Variants in PAX6 observed in about 807,000 individuals in gnomAD.
PAX6 encodes paired box protein Pax-6.
PAX6 carries 7 observed loss-of-function variants against 60.7 expected under a neutral mutation model. The observed-to-expected ratio is 0.12, with a 90% CI of 0.07 to 0.22. The LOEUF is 0.22. Ranked by LOEUF, PAX6 falls within the 10% of genes least tolerant of loss-of-function variation. The probability of loss-of-function intolerance (pLI) is 1.00; values close to 1 mark genes in which losing one functional copy is unlikely to be tolerated. For synonymous variants in PAX6, 208 were observed against 201.2 expected (o/e 1.03, Z -0.29); for missense variants, 355 against 555.2 (o/e 0.64, Z 3.62).
chr11:31,790,539 G>A (rs1396093942), intron 13 of PAX6, 171 bp downstream of exon 13: 2 of 960,066 alleles, frequency 2.1e-6, no homozygotes, highest in African/African-American at 1.8e-5. Context: ...TCTATATGGT[G>A]TAAAGTTACT....
chr11:31,810,418 T>G (rs1956823167), intron 2 of PAX6: 1 of 155,326 alleles, frequency 6.4e-6, no homozygotes, highest in African/African-American at 2.4e-5. Context: ...GCGGTTGCTC[T>G]CTGCGGCCGT....
At chr11:31,803,057 C>T in intron 4 of PAX6, 1 of 596,798 alleles carries the variant, frequency 1.7e-6, no homozygotes, top group South Asian at 1.9e-5. Context: ...TGCTATCGAT[C>T]AAATAAAGGA....
chr11:31,794,543 A>G, intron 9 of PAX6, 87 bp downstream of exon 9: 1 of 1,339,336 alleles, frequency 7.5e-7, no homozygotes, highest in South Asian at 1.2e-5. Context: ...TTCTATGCAA[A>G]GGGCCCTGGC....
chr11:31,802,692 C>A lies in PAX6; in HGVS notation c.141+12G>T, dbSNP rs1219263324. On this transcript the variant is annotated intron_variant, in intron 5 of 13. Coordinates refer to ENST00000640368, the MANE Select transcript of PAX6 (RefSeq NM_001368894.2). ...GCGGGGGCGGCGAGTGGGGCGGCGCCGGGAGGATCACCTGCAGAATTCGGG... is the reference window on the plus strand; with the variant it reads ...GCGGGGGCGGCGAGTGGGGCGGCGCAGGGAGGATCACCTGCAGAATTCGGG... 6.2e-7 allele frequency: 1 copy of A among 1,608,742 alleles called. No individual in the cohort carries two copies. The highest frequency in any genetic ancestry group is 8.5e-7 in the Non-Finnish European group (1 of 1,177,330).
At chr11:31,805,470 G>T (rs1210526134) in intron 4 of PAX6, 1 of 152,718 alleles carries the variant, frequency 6.5e-6, no homozygotes, top group African/African-American at 2.4e-5. Context: ...AGCCTGTGTG[G>T]TTCGGCCAGG....
At chr11:31,797,983 T>TGAGAGAGAGAGAGAGAGAGA (rs10694272) in intron 8 of PAX6, among the ~76,000 whole-genome samples, 1 of 148,192 alleles carries the variant, frequency 6.7e-6, no homozygotes, top group South Asian at 2.2e-4. Flanking sequence ...TGGAAGGAGG[T>TGAGAGAGAGAGAGAGAGAGA]GAGAGAGAGA....
chr11:31,815,942 G>T (rs1025752384), upstream of PAX6, among the ~76,000 whole-genome samples: 1 of 152,200 alleles, frequency 6.6e-6, no homozygotes, highest in Non-Finnish European at 1.5e-5. Context: ...AATGCGGCCG[G>T]GGAGAATTTA....
intron 5 of PAX6, chr11:31,802,116 A>G: frequency 3.4e-6 from 2 of 581,698 alleles, no homozygotes; most frequent in Non-Finnish European, 6.1e-6. Flanking sequence ...GAAGTAGATA[A>G]ATTTATTTTT....
chr11:31,802,318 G>T (rs1175817580), intron 5 of PAX6: 1 of 313,186 alleles, frequency 3.2e-6, no homozygotes, highest in African/African-American at 2.2e-5. Flanking sequence ...TACCTCAAAA[G>T]CTGAGGTAAG....
intron 12 of PAX6, chr11:31,793,016 A>G: frequency 1.9e-6 from 1 of 534,584 alleles, no homozygotes; most frequent in Non-Finnish European, 3.3e-6. Flanking sequence ...TAATGCCCCA[A>G]ATGCGTGCAC....
At chr11:31,799,967 C>G (rs1267267072) in intron 8 of PAX6, among the ~76,000 whole-genome samples, 1 of 149,540 alleles carries the variant, frequency 6.7e-6, no homozygotes, top group African/African-American at 2.5e-5. Flanking sequence ...CCCCCCCATC[C>G]CCCGCTCTTC....
chr11:31,812,189 C>T (rs971631366), upstream of PAX6: 1 of 147,834 alleles, frequency 6.8e-6, no homozygotes, highest in Non-Finnish European at 1.5e-5. Context: ...AGTGCGGCTG[C>T]TTTTCGCAGC....
At chr11:31,794,420 C>A (rs866703820) in intron 9 of PAX6, 28 of 518,430 alleles carry the variant, frequency 5.4e-5, no homozygotes, top group South Asian at 3.0e-4. Context: ...CACACACACA[C>A]CACACACACA....
chr11:31,801,257 A>T (rs1953738745), intron 7 of PAX6: 1 of 1,378,662 alleles, frequency 7.3e-7, no homozygotes, highest in Admixed American at 3.0e-5. Context: ...CAGGTGGATT[A>T]GGACGAAGTT....
intron 12 of PAX6, chr11:31,792,801 G>C (rs1278285444): frequency 5.2e-6 from 1 of 192,880 alleles, no homozygotes; most frequent in East Asian, 1.3e-4. Flanking sequence ...AGCTTCCCAG[G>C]CAGCTAGGAG....
In PAX6 at chr11:31,800,826, G is replaced by A; in HGVS notation, c.430C>T (p.Leu144=). The change falls in exon 8 of 14, where the codon CTG becomes TTG. Residue 144 remains leucine (L), a synonymous_variant. Coordinates refer to ENST00000640368, the MANE Select transcript of PAX6 (RefSeq NM_001368894.2). The stretch of plus-strand genomic sequence containing the variant: ...CCCATCTGTTGCTTTTCGCTAGCCA[G>A]GTTGCGAAGAACTCTGTTTATTGAT... ...VSSINRVLRN[L]ASEKQQMGAD... The A allele has an allele frequency of 1.9e-6, 3 of 1,614,178 alleles. No homozygotes were observed. The highest frequency in any genetic ancestry group is 2.5e-6 in the Non-Finnish European group (3 of 1,180,036).
At chr11:31,809,265 G>C (rs561300704) in intron 2 of PAX6, 1 of 152,316 alleles carries the variant, frequency 6.6e-6, no homozygotes, top group South Asian at 2.1e-4. Flanking sequence ...AAAATGTAAT[G>C]TCAACCGCAA....
At chr11:31,800,894 C>T (rs1326413589) in intron 7 of PAX6, 38 bp from the exon 8 acceptor site, 2 of 1,603,170 alleles carry the variant, frequency 1.2e-6, no homozygotes, top group Non-Finnish European at 1.7e-6. Context: ...ATGGTAGTGT[C>T]TCCTGAAGAC....
chr11:31,812,652 C>A (rs185028016), upstream of PAX6: 2 of 152,900 alleles, frequency 1.3e-5, no homozygotes, highest in Non-Finnish European at 1.5e-5. Context: ...CCTGCGCTGT[C>A]CCGAGCTCTC....
Sources: allele counts gnomAD v4.1 joint callset (sites outside exome capture counted in the v4.1 genomes callset), GRCh38; gene constraint gnomAD v4.1.1; transcripts MANE v1.5; gene names NCBI Gene and HGNC (gene_info 2026-07-23, HGNC 2026-07-21).